The following TUT4 variants were observed in gnomAD, a reference collection of about 807,000 sequenced individuals.
The protein encoded by TUT4 is terminal uridylyl transferase 4.
TUT4 carries 36 observed loss-of-function variants against 192.2 expected under a neutral mutation model. The observed-to-expected ratio is 0.19, with a 90% CI of 0.14 to 0.25. The LOEUF is 0.25. Ranked by LOEUF, TUT4 falls within the 10% of genes least tolerant of loss-of-function variation. The pLI, the probability that TUT4 is intolerant of heterozygous loss-of-function variation, is 1.00. For synonymous variants in TUT4, 618 were observed against 666.0 expected, an observed-to-expected ratio of 0.93 and a Z score of 1.11; for missense variants, 1,493 against 1,957.2, an observed-to-expected ratio of 0.76 and a Z score of 4.47.
chr1:52,465,312 GA>G, intron 15 of TUT4, 139 bp from the exon 16 acceptor site: 1 of 607,958 alleles, frequency 1.6e-6, no homozygotes, highest in South Asian at 2.7e-5. Flanking sequence ...GAAATACTGA[GA>G]AATTCCAAAA....
At chr1:52,441,787 G>T (rs997019827) in intron 24 of TUT4, among the ~76,000 whole-genome samples, 2 of 151,982 alleles carry the variant, frequency 1.3e-5, no homozygotes, top group Non-Finnish European at 2.9e-5. Flanking sequence ...AGCTACCCAA[G>T]GACAGGCACA....
intron 2 of TUT4, among the ~76,000 whole-genome samples, chr1:52,524,358 C>A (rs1467395107): frequency 2.0e-5 from 3 of 151,704 alleles, no homozygotes; most frequent in Admixed American, 2.0e-4. Flanking sequence ...CCCGTCTCTA[C>A]TAAAAATACA....
intron 20 of TUT4, among the ~76,000 whole-genome samples, chr1:52,447,468 A>C (rs1044162940): frequency 6.6e-6 from 1 of 151,534 alleles, no homozygotes; most frequent in Admixed American, 6.6e-5. Flanking sequence ...AAACAAAAAA[A>C]CAAAAAAACA....
chr1:52,533,381 T>G (rs1278190333), intron 1 of TUT4, among the ~76,000 whole-genome samples: 1 of 152,244 alleles, frequency 6.6e-6, no homozygotes, highest in Non-Finnish European at 1.5e-5. Flanking sequence ...TTCTTAAGCT[T>G]CTTCTACATA....
At chr1:52,442,277 A>C in intron 24 of TUT4, among the ~76,000 whole-genome samples, 1 of 152,078 alleles carries the variant, frequency 6.6e-6, no homozygotes, top group East Asian at 1.9e-4. Flanking sequence ...AAATGGGTCA[A>C]TATATAGGAG....
At chr1:52,428,690 G>A (rs1010318357) in intron 28 of TUT4, among the ~76,000 whole-genome samples, 2 of 151,296 alleles carry the variant, frequency 1.3e-5, no homozygotes, top group South Asian at 2.1e-4. Flanking sequence ...TCAGCTATTC[G>A]GGAGGCAGGA....
chr1:52,495,059 C>A (rs1286689293), intron 6 of TUT4, among the ~76,000 whole-genome samples: 1 of 152,038 alleles, frequency 6.6e-6, no homozygotes, highest in African/African-American at 2.4e-5. Context: ...AATGAGAAAA[C>A]TGAAGCTCAA....
At chr1:52,551,415 CTTTT>C (rs1000104174) in intron 1 of TUT4, among the ~76,000 whole-genome samples, 4 of 152,024 alleles carry the variant, frequency 2.6e-5, no homozygotes, top group African/African-American at 7.2e-5. Flanking sequence ...AAGTAAGTTT[CTTTT>C]GTTTATATTA....
At chr1:52,530,445 T>C (rs1683072713) in intron 1 of TUT4, among the ~76,000 whole-genome samples, 1 of 152,000 alleles carries the variant, frequency 6.6e-6, no homozygotes, top group Admixed American at 6.6e-5. Context: ...GAGAATGGGG[T>C]ATCCATCCCC....
intron 20 of TUT4, among the ~76,000 whole-genome samples, chr1:52,449,010 T>G (rs1274752042): frequency 6.6e-6 from 1 of 152,206 alleles, no homozygotes; most frequent in East Asian, 1.9e-4. Context: ...TGTTTCACTG[T>G]GTTTAATTCT....
intron 20 of TUT4, among the ~76,000 whole-genome samples, chr1:52,453,664 A>C (rs1165167261): frequency 6.6e-6 from 1 of 152,210 alleles, no homozygotes; most frequent in Non-Finnish European, 1.5e-5. Flanking sequence ...TAAAATCAGG[A>C]ATAATACAAG....
intron 28 of TUT4, 131 bp downstream of exon 28, chr1:52,430,882 T>G (rs1406836887): frequency 9.8e-7 from 1 of 1,018,828 alleles, no homozygotes; most frequent in Non-Finnish European, 1.4e-6. Context: ...CCCATATTCT[T>G]AATCTTTATC....
At chr1:52,469,996 C>A (rs1665282497) in intron 14 of TUT4, among the ~76,000 whole-genome samples, 1 of 151,788 alleles carries the variant, frequency 6.6e-6, no homozygotes, top group African/African-American at 2.4e-5. Flanking sequence ...GAGATGGCCT[C>A]AAAGCAGTGA....
chr1:52,530,876 G>A (rs115904631), intron 1 of TUT4, among the ~76,000 whole-genome samples: 1,868 of 152,124 alleles, frequency 0.012, 35 homozygotes, highest in African/African-American at 0.043. Context: ...GGTGGTATGC[G>A]CCTGTAGTTT....
intron 20 of TUT4, among the ~76,000 whole-genome samples, chr1:52,453,445 A>G (rs2148576015): frequency 6.6e-6 from 1 of 152,192 alleles, no homozygotes; most frequent in South Asian, 2.1e-4. Flanking sequence ...TTAGTAACCC[A>G]TCACATCAAC....
At chr1:52,437,229 G>A (rs943064424) in intron 25 of TUT4, 2 of 357,440 alleles carry the variant, frequency 5.6e-6, no homozygotes, top group Admixed American at 4.3e-5. Flanking sequence ...ATCCTTAGAG[G>A]TTGATATTTA....
chr1:52,532,052 T>C (rs1389744961), intron 1 of TUT4, among the ~76,000 whole-genome samples: 2 of 151,924 alleles, frequency 1.3e-5, no homozygotes, highest in Non-Finnish European at 2.9e-5. Flanking sequence ...CACGCCCAGC[T>C]AATTTTTGTA....
intron 2 of TUT4, among the ~76,000 whole-genome samples, chr1:52,525,308 G>A (rs1681450930): frequency 6.6e-6 from 1 of 151,840 alleles, no homozygotes; most frequent in Admixed American, 6.6e-5. Context: ...ACCAACTAAA[G>A]AAGATACTAA....
intron 20 of TUT4, among the ~76,000 whole-genome samples, chr1:52,452,023 A>C (rs527460855): frequency 1.3e-5 from 2 of 151,952 alleles, no homozygotes; most frequent in Admixed American, 1.3e-4. Context: ...AAATTAAACC[A>C]ATTCTCGAAG....
Sources: allele counts gnomAD v4.1 joint callset (sites outside exome capture counted in the v4.1 genomes callset), GRCh38; gene constraint gnomAD v4.1.1; transcripts MANE v1.5; gene names NCBI Gene and HGNC (gene_info 2026-07-23, HGNC 2026-07-21).